Variants in MYH1 observed in about 807,000 individuals in gnomAD.
MYH1 encodes myosin heavy chain 1.
MYH1 carries 214 observed loss-of-function variants against 225.6 expected under a neutral mutation model. The ratio of observed to expected loss-of-function variants is 0.95; its 90% CI spans 0.85 to 1.06. The LOEUF is 1.06. Among genes scored for constraint, MYH1 ranks in the 50% least tolerant of loss-of-function variants. The pLI, the probability that MYH1 is intolerant of heterozygous loss-of-function variation, is 0.00. For missense variants in MYH1, 2,098 were observed against 2,344.2 expected (o/e 0.89, Z 2.17); for synonymous variants, 774 against 842.3 (o/e 0.92, Z 1.40).
At chr17:10,502,409 CTTCT>C (rs992943002) in intron 24 of MYH1, among the ~76,000 whole-genome samples, 3 of 152,224 alleles carry the variant, frequency 2.0e-5, no homozygotes, top group African/African-American at 2.4e-5. Flanking sequence ...CACCCTCCCT[CTTCT>C]TTCTTTTTGC....
Position 10,512,419 on chromosome 17 carries a change from T to C in MYH1, c.1136A>G (p.Asp379Gly), listed in dbSNP as rs770448071. The change falls in exon 12 of 40, where the codon GAT becomes GGT. Residue 379 changes from aspartate to glycine, a missense_variant. By Grantham distance (94) the Asp-to-Gly change is moderately conservative. Coordinates refer to ENST00000226207, the MANE Select transcript of MYH1 (RefSeq NM_005963.4). ...GATTCATTTGGTACCTTCAGTGCCA[T>C]CTGGCTCAGCTTGCTCCTCACGCTG... The part of the protein sequence containing the change: ...QKQREEQAEP[D>G]GTEVADKAAY... The C allele has an allele frequency of 6.2e-7, 1 of 1,614,194 alleles. No individual in the cohort carries two copies. The highest frequency in any genetic ancestry group is 8.5e-7 in the Non-Finnish European group (1 of 1,180,016).
intron 15 of MYH1, 135 bp downstream of exon 15, chr17:10,509,350 G>A (rs2142273362): frequency 7.2e-7 from 1 of 1,394,132 alleles, no homozygotes; most frequent in Non-Finnish European, 9.8e-7. Context: ...CTACTTCAGA[G>A]TTGGCAAAAT....
Position 10,494,440 on chromosome 17 carries a change from C to A in MYH1, c.5581G>T (p.Asp1861Tyr). The A allele has an allele frequency of 6.2e-7, 1 of 1,613,582 alleles. No individual in the cohort carries two copies. The change falls in exon 39 of 40, where the codon GAC becomes TAC. Residue 1861 changes from aspartate (D) to tyrosine (Y), a missense_variant. Physicochemically the swap from Asp to Tyr is radical, Grantham distance 160. Transcript: ENST00000226207. ...VKELTYQTEE[D>Y]RKNILRLQDL... ...TGGAGCCTGAGAATATTCTTGCGGT[C>A]TTCCTCAGTCTGAAATAATGTTTTC...
chr17:10,512,364 G>A, intron 12 of MYH1, 44 bp downstream of exon 12: 1 of 1,613,824 alleles, frequency 6.2e-7, no homozygotes, highest in Non-Finnish European at 8.5e-7. Flanking sequence ...GGACATTTTT[G>A]CCTATATTCT....
chr17:10,514,143 A>C lies in MYH1; in HGVS notation c.534-19T>G. The C allele has an allele frequency of 6.2e-7, 1 of 1,612,964 alleles. No individual in the cohort carries two copies. The highest frequency in any genetic ancestry group is 1.1e-5 in the South Asian group (1 of 91,062). On this transcript the variant is annotated intron_variant, in intron 6 of 39. Coordinates refer to ENST00000226207, the MANE Select transcript of MYH1 (RefSeq NM_005963.4). ...TTCTCCGCTGTCAAAGACCAAACGTATGAGAAATTAAGCACTGTGACAAAT... is the reference window on the plus strand; with the variant it reads ...TTCTCCGCTGTCAAAGACCAAACGTCTGAGAAATTAAGCACTGTGACAAAT...
rs748297615 is a variant in MYH1, at chr17:10,505,246, C to G, written c.2352G>C (p.Lys784Asn). The part of the protein sequence containing the change: ...LGLLEEMRDE[K>N]LAQLITRTQA... ...GGGTTCGGGTAATCAGCTGGGCCAGCTTCTCATCTCGCATCTCCTCTAGGA... is the reference window on the plus strand; with the variant it reads ...GGGTTCGGGTAATCAGCTGGGCCAGGTTCTCATCTCGCATCTCCTCTAGGA... The change falls in exon 21 of 40, where the codon AAG becomes AAC. Residue 784 changes from lysine to asparagine, a missense_variant. Coordinates refer to ENST00000226207, the MANE Select transcript of MYH1 (RefSeq NM_005963.4). The G allele has an allele frequency of 5.0e-6, 8 of 1,614,112 alleles. No homozygotes were observed. The highest frequency in any genetic ancestry group is 6.8e-6 in the Non-Finnish European group (8 of 1,180,036).
In MYH1 at chr17:10,492,525, T is replaced by G. The variant is rs1200867009; in HGVS notation, c.5711A>C (p.Gln1904Pro). 1.2e-6 allele frequency: 2 copies of G among 1,614,166 alleles called. No individual in the cohort carries two copies. The highest frequency in any genetic ancestry group is 1.7e-6 in the Non-Finnish European group (2 of 1,180,008). The change falls in exon 40 of 40, where the codon CAG becomes CCG. Residue 1904 changes from glutamine to proline, a missense_variant. Gln to Pro is a moderately conservative substitution (Grantham distance 76). Transcript: ENST00000226207. ...TTCCTCGGCCTCCTCCAGCTCGTGC[T>G]GGATCCTGCGGAATTTGGAGAGGTT... The part of the protein sequence containing the change: ...NVNLSKFRRI[Q>P]HELEEAEERA...
rs773159635 is a variant in MYH1 at position 10,497,798 on chromosome 17, A to G, written c.4301T>C (p.Ile1434Thr). 9.3e-6 allele frequency: 15 copies of G among 1,614,038 alleles called. No individual in the cohort carries two copies. Among genetic ancestry groups the G allele is most frequent in the Non-Finnish European group, 1.2e-5 (14 of 1,180,040 alleles). ...GGCAGCATTTGTCCTCTCAACATCA[A>G]TCATGAGGTCCTCAACTTCATTCTG... ...RLQNEVEDLM[I>T]DVERTNAACA... Residue 1434 changes from isoleucine to threonine, a missense_variant, in exon 31 of 40, where the codon ATT (isoleucine) becomes ACT (threonine). By Grantham distance (89) the Ile-to-Thr change is moderately conservative (BLOSUM62 -1). Coordinates refer to ENST00000226207, the MANE Select transcript of MYH1 (RefSeq NM_005963.4).
chr17:10,515,885 A>G (rs373000047), intron 5 of MYH1, 41 bp downstream of exon 5: 5 of 1,613,506 alleles, frequency 3.1e-6, no homozygotes, highest in Non-Finnish European at 4.2e-6. Context: ...GTGATTATGG[A>G]TGGTAAAATA....
At position 10,511,900 on chromosome 17, in the gene MYH1, G is replaced by A. The variant is rs775317133; in HGVS notation, c.1355C>T (p.Thr452Ile). 3 of 1,614,212 alleles carry A rather than the reference G, an allele frequency of 1.9e-6. No individual in the cohort carries two copies. The highest frequency in any genetic ancestry group is 1.1e-5 in the South Asian group (1 of 91,088). Residue 452 changes from threonine to isoleucine, a missense_variant, in exon 14 of 40, where the codon ACC (threonine) becomes ATC (isoleucine). Coordinates refer to ENST00000226207, the MANE Select transcript of MYH1 (RefSeq NM_005963.4). ...AATGAAGTACTGCCTGGGCTGCTTGGTGTCCAGCTGCTGGTTGATGCGGGT... is the reference window on the plus strand; with the variant it reads ...AATGAAGTACTGCCTGGGCTGCTTGATGTCCAGCTGCTGGTTGATGCGGGT... The part of the protein sequence containing the change: ...MVTRINQQLD[T>I]KQPRQYFIGV...
At chr17:10,505,668 A>G (rs2073104166) in intron 19 of MYH1, 144 bp downstream of exon 19, 1 of 1,372,354 alleles carries the variant, frequency 7.3e-7, no homozygotes, top group South Asian at 1.4e-5. Context: ...AGGACTTCAG[A>G]GTTTTCTTAT....
intron 20 of MYH1, 39 bp downstream of exon 20, chr17:10,505,349 G>A (rs1020650301): frequency 6.2e-7 from 1 of 1,614,148 alleles, no homozygotes; most frequent in Non-Finnish European, 8.5e-7. Flanking sequence ...AAGTTCAAAG[G>A]GACAGGAATA....
At chr17:10,496,999 A>AC in intron 33 of MYH1, 70 bp downstream of exon 33, 19 of 1,555,326 alleles carry the variant, frequency 1.2e-5, no homozygotes, top group Non-Finnish European at 1.6e-5. Context: ...CTCTTGATTC[A>AC]CCATTCCTTA....
chr17:10,513,487 T>C lies in MYH1; in HGVS notation c.805+139A>G, dbSNP rs999146275. ...GGTAAAGCATACTGTGGGCTATGGA[T>C]AAGACTGACATTAACCACAAGCATG... On this transcript the variant is annotated intron_variant, in intron 9 of 39. Transcript: ENST00000226207. 56 of 837,820 alleles carry C rather than the reference T, an allele frequency of 6.7e-5. No individual in the cohort carries two copies. In the African/African-American group the frequency reaches 8.8e-4, roughly 13 times the overall value. 51.9% of individuals were successfully genotyped at this position (837,820 alleles called of 1,614,324 possible).
intron 9 of MYH1, 122 bp from the exon 10 acceptor site, chr17:10,513,087 T>C: frequency 1.5e-6 from 1 of 670,138 alleles, no homozygotes; most frequent in Non-Finnish European, 2.6e-6. Context: ...TGAATGTTCC[T>C]GTGAAGTACC....
In MYH1 at chr17:10,498,689, G is replaced by A. The variant is rs1303052267; in HGVS notation, c.4118C>T (p.Ala1373Val). Residue 1373 changes from alanine to valine, a missense_variant, in exon 30 of 40, where the codon GCC becomes GTC. Transcript: ENST00000226207. The part of the protein sequence containing the change: ...RAMSKANSEV[A>V]QWRTKYETDA... ...TGTCTCATATTTGGTCCTCCACTGG[G>A]CAACCTCACTGTTGGCCTTGGACAT... 1.2e-6 allele frequency: 2 copies of A among 1,613,902 alleles called. No homozygotes were observed. The highest frequency in any genetic ancestry group is 4.5e-5 in the East Asian group (2 of 44,890).
At chr17:10,502,061 C>T in intron 24 of MYH1, 150 bp from the exon 25 acceptor site, 1 of 828,720 alleles carries the variant, frequency 1.2e-6, no homozygotes. Context: ...TTGGTATTTA[C>T]CTAGTCGAAA....
intron 14 of MYH1, among the ~76,000 whole-genome samples, chr17:10,509,861 T>C (rs2073154581): frequency 6.6e-6 from 1 of 152,112 alleles, no homozygotes. Context: ...GAATGATGCT[T>C]TCCTATGCAA....
In MYH1 at chr17:10,503,205, A is replaced by G; in HGVS notation, c.2735T>C (p.Leu912Pro). The change falls in exon 23 of 40, where the codon CTA (leucine) becomes CCA (proline). Residue 912 changes from leucine to proline, a missense_variant. Coordinates refer to ENST00000226207, the MANE Select transcript of MYH1 (RefSeq NM_005963.4). Reference sequence around the variant, plus strand: ...TTCTAGCTGGATTTTGGTTTTGATTAGCTGGTCACACCTTTCCTCTGCATC... The same window carrying G: ...TTCTAGCTGGATTTTGGTTTTGATTGGCTGGTCACACCTTTCCTCTGCATC... ...LADAEERCDQ[L>P]IKTKIQLEAK... The G allele has an allele frequency of 6.2e-7, 1 of 1,614,150 alleles. No homozygotes were observed. Among genetic ancestry groups the G allele is most frequent in the South Asian group, 1.1e-5 (1 of 91,076 alleles).
Sources: allele counts gnomAD v4.1 joint callset (sites outside exome capture counted in the v4.1 genomes callset), GRCh38; gene constraint gnomAD v4.1.1; transcripts MANE v1.5; gene names NCBI Gene and HGNC (gene_info 2026-07-23, HGNC 2026-07-21).